Variants in PRRC2A observed in about 807,000 individuals in gnomAD.
PRRC2A encodes proline rich coiled-coil 2A.
In PRRC2A, 59 loss-of-function variants were observed where a neutral mutation model predicts 224.6. That is an observed-to-expected ratio of 0.26 (90% CI 0.21 to 0.33). The LOEUF (loss-of-function observed/expected upper bound fraction) is 0.33, where lower values mean the gene tolerates loss of function less well. Ranked by LOEUF, PRRC2A falls within the 10% of genes least tolerant of loss-of-function variation. The pLI is 1.00. For synonymous variants in PRRC2A, 1,194 were observed against 1,109.5 expected, an observed-to-expected ratio of 1.08 and a Z score of -1.51; for missense variants, 3,095 against 2,880.7, an observed-to-expected ratio of 1.07 and a Z score of -1.70.
chr6:31,628,311 A>G, intron 12 of PRRC2A, 72 bp downstream of exon 12: 2 of 1,505,982 alleles, frequency 1.3e-6, no homozygotes, highest in Non-Finnish European at 1.8e-6. Context: ...GCAGGGTGGT[A>G]AGGCTGGGGA....
intron 2 of PRRC2A, 88 bp downstream of exon 2, chr6:31,622,989 G>A: frequency 8.8e-7 from 1 of 1,135,576 alleles, no homozygotes; most frequent in Non-Finnish European, 1.3e-6. Flanking sequence ...GGAAGTGGCT[G>A]TAGTAGAAAT....
rs1396957079 is a variant in PRRC2A, at chr6:31,637,591, G to T, written c.*5G>T. The T allele has an allele frequency of 1.1e-5, 15 of 1,411,396 alleles. No homozygotes were observed. Among genetic ancestry groups the T allele is most frequent in the Non-Finnish European group, 1.3e-5 (14 of 1,060,128 alleles). The allele number at this position is 1,411,396 out of a possible 1,614,324, so 87.4% of individuals were successfully genotyped here. A position where few individuals can be genotyped will look rare whatever the true frequency, so the allele number is the denominator to read the frequency against. ...GGGTTGCCCCCACCCCGCTGAGGGA[G>T]TTCCTCTTGCCCCCTACCCCCGGGG... On this transcript the variant is annotated 3_prime_UTR_variant, in exon 31 of 31. Coordinates refer to ENST00000376033, the MANE Select transcript of PRRC2A (RefSeq NM_004638.4).
rs781424262 is a variant in PRRC2A, at chr6:31,633,005, A to G, written c.4319+13A>G. ...CCAAGAACCGAAGGTGGGTAGGAAC[A>G]AACAAATTTATTGTGGTTTAAAAAT... On this transcript the variant is annotated intron_variant, in intron 16 of 30. Transcript: ENST00000376033. 35 of 1,518,576 alleles carry G rather than the reference A, an allele frequency of 2.3e-5. No homozygotes were observed. The African/African-American group carries it at 4.3e-4, about 19-fold the overall frequency. 94.1% of individuals were successfully genotyped at this position (1,518,576 alleles called of 1,614,324 possible).
chr6:31,630,517 A>AG, intron 14 of PRRC2A, 74 bp from the exon 15 acceptor site: 4 of 1,512,062 alleles, frequency 2.6e-6, no homozygotes, highest in Non-Finnish European at 3.6e-6. Context: ...CTTGACCGCG[A>AG]GGGGAGATGC....
In PRRC2A at chr6:31,624,322, G is replaced by C. The variant is rs1162748017; in HGVS notation, c.352G>C (p.Ala118Pro). The change falls in exon 4 of 31, where the codon GCC (alanine) becomes CCC (proline). Residue 118 changes from alanine to proline, a missense_variant. Physicochemically the swap from Ala to Pro is conservative, Grantham distance 27. Transcript: ENST00000376033. ...GCCACTGCCGGCTTCACAGACGCCT[G>C]CCTCCAACCAGCCGAAACGACCCCC... ...SQPLPASQTPASNQPKRPPAA... is the reference protein window; with the variant it reads ...SQPLPASQTPPSNQPKRPPAA... 1.2e-6 allele frequency: 2 copies of C among 1,613,910 alleles called. No homozygotes were observed. The highest frequency in any genetic ancestry group is 3.3e-5 in the Admixed American group (2 of 59,996).
intron 1 of PRRC2A, among the ~76,000 whole-genome samples, chr6:31,621,431 C>T (rs1775277233): frequency 6.6e-6 from 1 of 152,108 alleles, no homozygotes; most frequent in Non-Finnish European, 1.5e-5. Context: ...TCTCCTTTCT[C>T]CCCCAACCCC....
Position 31,631,809 on chromosome 6 carries a change from G to T in PRRC2A, c.3136G>T (p.Gly1046Trp). 1 of 1,590,194 alleles carries T rather than the reference G, an allele frequency of 6.3e-7. No individual in the cohort carries two copies. The highest frequency in any genetic ancestry group is 8.6e-7 in the Non-Finnish European group (1 of 1,166,422). ...RGFRGTYGGR[G>W]RGARSREFRS... The stretch of plus-strand genomic sequence containing the variant: ...TTTTCGGGGGACCTATGGGGGACGA[G>T]GGCGGGGAGCCCGAAGCCGGGAATT... Residue 1046 changes from glycine (G) to tryptophan (W), a missense_variant, in exon 16 of 31, where the codon GGG (glycine) becomes TGG (tryptophan). Physicochemically the swap from Gly to Trp is radical, Grantham distance 184 (BLOSUM62 -2). Coordinates refer to ENST00000376033, the MANE Select transcript of PRRC2A (RefSeq NM_004638.4). The surrounding 1 kb of genome is among the most constrained non-coding windows in gnomAD (Gnocchi z 4.5).
chr6:31,635,299 C>T (rs770063512), intron 22 of PRRC2A, 27 bp downstream of exon 22: 1 of 1,613,742 alleles, frequency 6.2e-7, no homozygotes, highest in South Asian at 1.1e-5. Context: ...TCTGGGTATC[C>T]TGAGTTGGGT....
Position 31,634,007 on chromosome 6 carries a change from G to A in PRRC2A, c.4719+18G>A. The A allele has an allele frequency of 6.2e-7, 1 of 1,600,790 alleles. No homozygotes were observed. The highest frequency in any genetic ancestry group is 8.5e-7 in the Non-Finnish European group (1 of 1,177,054). ...TACAGGAGGTAAGGGATGGGTTTGA[G>A]ATTGTGCTTCACTGCACTCTTACTC... On this transcript the variant is annotated intron_variant, in intron 18 of 30. Coordinates refer to ENST00000376033, the MANE Select transcript of PRRC2A (RefSeq NM_004638.4).
Position 31,627,317 on chromosome 6 carries a change from C to A in PRRC2A, c.1290+119C>A. On this transcript the variant is annotated intron_variant, in intron 11 of 30. Transcript: ENST00000376033. This position sits in a 1 kb window ranked among gnomAD's most constrained non-coding sequence, Gnocchi z 5.6. ...TGCTAAAAATGGGCTGTGTGAAGTG[C>A]CAGGCTGCAGAACATCCTGGGAAGC... is the stretch of plus-strand genomic sequence containing the variant. The A allele has an allele frequency of 1.4e-6, 1 of 726,940 alleles. No individual in the cohort carries two copies. The highest frequency in any genetic ancestry group is 2.3e-6 in the Non-Finnish European group (1 of 441,946). 45.0% of individuals were successfully genotyped at this position (726,940 alleles called of 1,614,324 possible).
In PRRC2A at chr6:31,637,031, T is replaced by A. The variant is rs778813074; in HGVS notation, c.6148-11T>A. The A allele has an allele frequency of 6.3e-7, 1 of 1,596,096 alleles. No homozygotes were observed. The highest frequency in any genetic ancestry group is 8.5e-7 in the Non-Finnish European group (1 of 1,170,636). On this transcript the variant is annotated splice_polypyrimidine_tract_variant and intron_variant, in intron 28 of 30. Coordinates refer to ENST00000376033, the MANE Select transcript of PRRC2A (RefSeq NM_004638.4). The stretch of plus-strand genomic sequence containing the variant: ...TTCAAGGTAGGCAGCTCATGATTTT[T>A]TTCCCCTCAGCTGCATCCAGTGGAA...
At position 31,635,269 on chromosome 6, in the gene PRRC2A, C is replaced by G; in HGVS notation, c.5298C>G (p.Asp1766Glu). 4 of 1,614,046 alleles carry G rather than the reference C, an allele frequency of 2.5e-6. No homozygotes were observed. Among genetic ancestry groups the G allele is most frequent in the Non-Finnish European group, 3.4e-6 (4 of 1,179,968 alleles). The change falls in exon 22 of 31, where the codon GAC becomes GAG. Residue 1766 changes from aspartate to glutamate, a missense_variant. Asp to Glu is a conservative substitution (Grantham distance 45). Transcript: ENST00000376033. ...PGPPVQFGTSDKDSDLRLVVG... is the reference protein window; with the variant it reads ...PGPPVQFGTSEKDSDLRLVVG... ...CCCCAGTCCAGTTTGGCACTAGTGA[C>G]AAGGTCTGTGTGGGCTGGATCTGGG...
At position 31,626,842 on chromosome 6, in the gene PRRC2A, T is replaced by G; in HGVS notation, c.1053T>G (p.Asp351Glu). 1 of 1,607,680 alleles carries G rather than the reference T, an allele frequency of 6.2e-7. No homozygotes were observed. Among genetic ancestry groups the G allele is most frequent in the Non-Finnish European group, 8.5e-7 (1 of 1,177,296 alleles). The change falls in exon 10 of 31, where the codon GAT becomes GAG. Residue 351 changes from aspartate to glutamate, a missense_variant. By Grantham distance (45) the Asp-to-Glu change is conservative. Coordinates refer to ENST00000376033, the MANE Select transcript of PRRC2A (RefSeq NM_004638.4). ...ATGAGGAAGATGGGCGAGACTCTGA[T>G]GAGGAGGGTGCTGAGGGCCAGTGAG... ...FSDEEDGRDS[D>E]EEGAEGHRDS...
rs545623651 is a variant in PRRC2A at position 31,630,306 on chromosome 6, ACTCCGT to A, written c.2255-281_2255-276del. Among the ~76,000 whole-genome samples the A allele has an allele frequency of 1.7e-3, 249 of 145,802 alleles. 1 individual carries two copies. Among genetic ancestry groups the A allele is most frequent in the African/African-American group, 5.1e-3 (205 of 39,832 alleles). ...CACTCCAGCTTAGGCAACGAGCGAA[ACTCCGT>A]CTCAAAAATGAATGAATGAATAGCA... is the stretch of plus-strand genomic sequence containing the variant. On this transcript the variant is annotated intron_variant, in intron 14 of 30. Coordinates refer to ENST00000376033, the MANE Select transcript of PRRC2A (RefSeq NM_004638.4).
rs763981872 is a variant in PRRC2A, at chr6:31,630,556, A to G, written c.2255-35A>G. Reference sequence around the variant, plus strand: ...TTGGGCTGGAGGGCTTGTGACATGAATAGGATTATTTTTCTTTTTCTTTGG... The same window carrying G: ...TTGGGCTGGAGGGCTTGTGACATGAGTAGGATTATTTTTCTTTTTCTTTGG... On this transcript the variant is annotated intron_variant, in intron 14 of 30. Coordinates refer to ENST00000376033, the MANE Select transcript of PRRC2A (RefSeq NM_004638.4). 2.5e-6 allele frequency: 4 copies of G among 1,610,280 alleles called. No individual in the cohort carries two copies. In the South Asian group the frequency reaches 3.3e-5, roughly 13 times the overall value.
chr6:31,637,659 C>A lies in PRRC2A; in HGVS notation c.*73C>A. The A allele has an allele frequency of 1.7e-5, 2 of 114,522 alleles. No individual in the cohort carries two copies. Among genetic ancestry groups the A allele is most frequent in the South Asian group, 1.7e-4 (1 of 6,024 alleles). 7.1% of individuals were successfully genotyped at this position (114,522 alleles called of 1,614,324 possible). On this transcript the variant is annotated 3_prime_UTR_variant, in exon 31 of 31. Transcript: ENST00000376033. ...AATATATAAGGGGGAAAGGGGTGGGCGGGGAGGGGTTCTGGGGCTGGGGCC... is the reference window on the plus strand; with the variant it reads ...AATATATAAGGGGGAAAGGGGTGGGAGGGGAGGGGTTCTGGGGCTGGGGCC...
Position 31,623,920 on chromosome 6 carries a change from G to T in PRRC2A, c.290+11G>T, listed in dbSNP as rs200247738. ...GTCCGACCCCAAGAGGTAGACAGAGGCTTGGGGGACCTAGAGTGATGGGTA... is the reference window on the plus strand; with the variant it reads ...GTCCGACCCCAAGAGGTAGACAGAGTCTTGGGGGACCTAGAGTGATGGGTA... On this transcript the variant is annotated intron_variant, in intron 3 of 30. Transcript: ENST00000376033. 8 of 1,613,546 alleles carry T rather than the reference G, an allele frequency of 5.0e-6. No homozygotes were observed. The highest frequency in any genetic ancestry group is 6.8e-6 in the Non-Finnish European group (8 of 1,179,672).
At chr6:31,621,483 C>T (rs1365059552) in intron 1 of PRRC2A, among the ~76,000 whole-genome samples, 1 of 151,876 alleles carries the variant, frequency 6.6e-6, no homozygotes, top group Non-Finnish European at 1.5e-5. Flanking sequence ...TCGTTGTCTA[C>T]ATCCTTTTTT....
chr6:31,628,340 G>C, intron 12 of PRRC2A, 101 bp downstream of exon 12: 3 of 1,452,050 alleles, frequency 2.1e-6, no homozygotes, highest in Non-Finnish European at 2.7e-6. Flanking sequence ...GTAGAAGGCA[G>C]TTGTTTTGGT....
Sources: gnomAD v4.1 joint callset for allele counts (sites outside exome capture counted in the v4.1 genomes callset) on GRCh38, gnomAD v4.1.1 for gene constraint, Gnocchi (gnomAD v3.1) non-coding constraint, MANE v1.5 for transcripts, NCBI Gene and HGNC (gene_info 2026-07-23, HGNC 2026-07-21) for gene names.